Variants in SUSD1 observed in about 807,000 individuals in gnomAD.
SUSD1 encodes the protein sushi domain-containing protein 1.
SUSD1 carries 65 observed loss-of-function variants against 86.9 expected under a neutral mutation model. That is an observed-to-expected ratio of 0.75 (90% CI 0.61 to 0.92). The LOEUF (loss-of-function observed/expected upper bound fraction) is 0.92. Ranked by LOEUF, SUSD1 falls within the 40% of genes least tolerant of loss-of-function variation. The probability of loss-of-function intolerance (pLI) is 0.00; values close to 1 mark genes in which losing one functional copy is unlikely to be tolerated. For synonymous variants in SUSD1, 346 were observed against 350.0 expected (o/e 0.99, Z 0.13); for missense variants, 850 against 929.7 (o/e 0.91, Z 1.11).
Position 112,098,650 on chromosome 9 carries a change from C to T in SUSD1, c.1294G>A (p.Gly432Ser). 6.2e-7 allele frequency: 1 copy of T among 1,614,096 alleles called. No individual in the cohort carries two copies. Among genetic ancestry groups the T allele is most frequent in the Non-Finnish European group, 8.5e-7 (1 of 1,179,992 alleles). The change falls in exon 10 of 17, where the codon GGT (glycine) becomes AGT (serine). Residue 432 changes from glycine to serine, a missense_variant. Coordinates refer to ENST00000374270, the MANE Select transcript of SUSD1 (RefSeq NM_022486.5). Reference sequence around the variant, plus strand: ...AAGTTAGCCAGATACCACCTCTGACCCAGAACGGTAAACTGTCATGAGATT... The same window carrying T: ...AAGTTAGCCAGATACCACCTCTGACTCAGAACGGTAAACTGTCATGAGATT... ...SEHMYQFTVL[G>S]QRWYLANFSH...
intron 12 of SUSD1, among the ~76,000 whole-genome samples, chr9:112,064,255 A>C (rs1233901606): frequency 6.6e-6 from 1 of 152,188 alleles, no homozygotes; most frequent in African/African-American, 2.4e-5. Flanking sequence ...GGTGAGCAGC[A>C]GGTGGACAAG....
rs1379354293 is a variant in SUSD1 at position 112,042,073 on chromosome 9, C to T, written c.2150-113G>A. On this transcript the variant is annotated intron_variant, in intron 15 of 16. Transcript: ENST00000374270. ...TAACCCAGAGCTTGGCCCCATTTAA[C>T]AAAGAATCCCAAGAATGCCCAACAT... 2.9e-5 allele frequency: 45 copies of T among 1,548,614 alleles called. No homozygotes were observed. The Admixed American group carries it at 5.3e-4, about 18-fold the overall frequency.
intron 2 of SUSD1, among the ~76,000 whole-genome samples, chr9:112,151,034 A>G (rs1833021697): frequency 6.6e-6 from 1 of 152,194 alleles, no homozygotes. Context: ...TCCTGGGCTC[A>G]AGCAATCCTC....
At chr9:112,128,817 G>A (rs1253337388) in intron 5 of SUSD1, among the ~76,000 whole-genome samples, 1 of 152,162 alleles carries the variant, frequency 6.6e-6, no homozygotes. Flanking sequence ...AGCTCTTGGT[G>A]GGTTCCAAAA....
intron 12 of SUSD1, among the ~76,000 whole-genome samples, chr9:112,076,476 CAGAT>C (rs977384986): frequency 2.0e-5 from 3 of 152,118 alleles, no homozygotes; most frequent in Non-Finnish European, 2.9e-5. Context: ...CAGAAAGTAA[CAGAT>C]AGAAACAGAG....
intron 1 of SUSD1, among the ~76,000 whole-genome samples, chr9:112,174,388 T>C (rs567394184): frequency 1.3e-5 from 2 of 152,284 alleles, no homozygotes; most frequent in African/African-American, 2.4e-5. Flanking sequence ...TGTGGATGAA[T>C]GTCACCTCCC....
chr9:112,052,155 G>A (rs962991644), intron 15 of SUSD1: 12 of 1,441,680 alleles, frequency 8.3e-6, no homozygotes, highest in African/African-American at 4.3e-5. Context: ...TCCCACTCAC[G>A]GTGTTGAGTC....
chr9:112,149,031 C>T (rs530103365), intron 3 of SUSD1, among the ~76,000 whole-genome samples: 1 of 152,194 alleles, frequency 6.6e-6, no homozygotes, highest in East Asian at 1.9e-4. Context: ...AAGTAGCTTA[C>T]AGACTAAAGG....
At chr9:112,152,338 T>C (rs535580908) in intron 2 of SUSD1, among the ~76,000 whole-genome samples, 1 of 152,246 alleles carries the variant, frequency 6.6e-6, no homozygotes, top group Non-Finnish European at 1.5e-5. Context: ...TACAAACACA[T>C]TCTACAGCTG....
chr9:112,099,875 T>C (rs1200567691), intron 9 of SUSD1, among the ~76,000 whole-genome samples: 2 of 152,212 alleles, frequency 1.3e-5, no homozygotes. Context: ...TTGGATAACT[T>C]AAAGGTCCTT....
chr9:112,066,101 T>A (rs1036055690), intron 12 of SUSD1, among the ~76,000 whole-genome samples: 1 of 152,228 alleles, frequency 6.6e-6, no homozygotes, highest in African/African-American at 2.4e-5. Context: ...TGGAACTCAG[T>A]AATTTGACTC....
intron 13 of SUSD1, among the ~76,000 whole-genome samples, chr9:112,060,534 C>CT (rs1402983281): frequency 2.6e-5 from 4 of 152,196 alleles, no homozygotes; most frequent in East Asian, 1.9e-4. Context: ...TATCACTGCC[C>CT]TGTGTGCCCA....
In SUSD1 at chr9:112,058,779, CTCTT is replaced by C. The variant is rs1414696215; in HGVS notation, c.1851-97_1851-94del. ...ATTGAGCACCTGCTATGAGACAAAC[CTCTT>C]TCTTTGTTTTTTTGTTTTTTGTTTT... On this transcript the variant is annotated intron_variant, in intron 13 of 16. Coordinates refer to ENST00000374270, the MANE Select transcript of SUSD1 (RefSeq NM_022486.5). 1.1e-5 allele frequency: 17 copies of C among 1,494,814 alleles called. 1 individual carries two copies. In the South Asian group the frequency reaches 1.6e-4, roughly 14 times the overall value. The allele number at this position is 1,494,814 out of a possible 1,614,324, so 92.6% of individuals were successfully genotyped here. A position where few individuals can be genotyped will look rare whatever the true frequency, so the allele number is the denominator to read the frequency against.
At position 112,111,775 on chromosome 9, in the gene SUSD1, G is replaced by A. The variant is rs545400374; in HGVS notation, c.1050C>T (p.Thr350=). The change falls in exon 8 of 17, where the codon ACC becomes ACT. Residue 350 remains threonine, a synonymous_variant. Coordinates refer to ENST00000374270, the MANE Select transcript of SUSD1 (RefSeq NM_022486.5). ...ACACTTCTGGGGTCCTGCTGTCTGTGGTCAAGTTGACTGTCTCCTCACGAA... is the reference window on the plus strand; with the variant it reads ...ACACTTCTGGGGTCCTGCTGTCTGTAGTCAAGTTGACTGTCTCCTCACGAA... ...ESVREETVNL[T]TDSRTPEVCL... The A allele has an allele frequency of 6.2e-7, 1 of 1,614,108 alleles. No homozygotes were observed. Among genetic ancestry groups the A allele is most frequent in the African/African-American group, 1.3e-5 (1 of 75,024 alleles).
Position 112,041,347 on chromosome 9 carries a change from G to A in SUSD1, c.*145C>T. 1 of 717,360 alleles carries A rather than the reference G, an allele frequency of 1.4e-6. No individual in the cohort carries two copies. Among genetic ancestry groups the A allele is most frequent in the Non-Finnish European group, 2.6e-6 (1 of 389,490 alleles). The allele number at this position is 717,360 out of a possible 1,614,324, so 44.4% of individuals were successfully genotyped here. A position where few individuals can be genotyped will look rare whatever the true frequency, so the allele number is the denominator to read the frequency against. The stretch of plus-strand genomic sequence containing the variant: ...TAGCCACCATCTTAAATCCAGGAAT[G>A]GGGCCCAGCTGGGAATGGAGAAAGT... On this transcript the variant is annotated 3_prime_UTR_variant, in exon 17 of 17. Coordinates refer to ENST00000374270, the MANE Select transcript of SUSD1 (RefSeq NM_022486.5).
At position 112,111,749 on chromosome 9, in the gene SUSD1, C is replaced by T. The variant is rs1831108610; in HGVS notation, c.1076G>A (p.Cys359Tyr). ...LTTDSRTPEV[C>Y]LALYPGTNYT... ...GTTGGTGCCTGGGTACAGGGCTAGG[C>T]ACACTTCTGGGGTCCTGCTGTCTGT... The change falls in exon 8 of 17, where the codon TGC becomes TAC. Residue 359 changes from cysteine to tyrosine, a missense_variant. By Grantham distance (194) the Cys-to-Tyr change is radical. Transcript: ENST00000374270. 6.2e-7 allele frequency: 1 copy of T among 1,614,146 alleles called. No homozygotes were observed. The highest frequency in any genetic ancestry group is 8.5e-7 in the Non-Finnish European group (1 of 1,180,026).
In SUSD1 at chr9:112,067,681, T is replaced by G. The variant is rs148086159; in HGVS notation, c.1754-4648A>C. ...GGAAGAACTGCCTTAAGAATCCCCT[T>G]TAGACCCTGGACTAAACCACCCCTC... is the stretch of plus-strand genomic sequence containing the variant. On this transcript the variant is annotated intron_variant, in intron 12 of 16. Transcript: ENST00000374270. Among the ~76,000 whole-genome samples, 17 of 152,260 alleles carry G rather than the reference T, an allele frequency of 1.1e-4. No individual in the cohort carries two copies. The East Asian group carries it at 3.1e-3, about 28-fold the overall frequency.
At chr9:112,087,153 T>C (rs1830019405) in intron 10 of SUSD1, among the ~76,000 whole-genome samples, 1 of 152,070 alleles carries the variant, frequency 6.6e-6, no homozygotes, top group African/African-American at 2.4e-5. Flanking sequence ...GAAAACTCCT[T>C]GAGTCAGAAA....
At chr9:112,061,839 C>T (rs1053775905) in intron 13 of SUSD1, among the ~76,000 whole-genome samples, 4 of 150,894 alleles carry the variant, frequency 2.7e-5, no homozygotes, top group East Asian at 1.9e-4. Flanking sequence ...TTGATTTTAC[C>T]GAAGGGTCAG....
Sources: gnomAD v4.1 joint callset for allele counts (sites outside exome capture counted in the v4.1 genomes callset) on GRCh38, gnomAD v4.1.1 for gene constraint, MANE v1.5 for transcripts, NCBI Gene and HGNC (gene_info 2026-07-23, HGNC 2026-07-21) for gene names.